SORCS2: variants seen among roughly 807,000 people sequenced by gnomAD.
The protein encoded by SORCS2 is VPS10 domain-containing receptor SorCS2.
SORCS2 carries 100 observed loss-of-function variants against 141.6 expected under a neutral mutation model. The observed-to-expected ratio is 0.71, with a 90% CI of 0.60 to 0.83. The LOEUF is 0.83. SORCS2 is among the 40% of genes least tolerant of loss of function. The pLI is 0.00. For missense variants in SORCS2, 1,646 were observed against 1,560.2 expected (o/e 1.05, Z -0.93); for synonymous variants, 789 against 676.9 (o/e 1.17, Z -2.57).
intron 2 of SORCS2, among the ~76,000 whole-genome samples, chr4:7,422,364 C>T: frequency 6.6e-6 from 1 of 152,188 alleles, no homozygotes; most frequent in East Asian, 1.9e-4. Context: ...TCCTGGATGC[C>T]CTGCCCGCTT....
chr4:7,676,835 CTCCACCCCAGCCCTGTCATCTCCTCCTT>C (rs1560475649), intron 9 of SORCS2, among the ~76,000 whole-genome samples: 8 of 137,494 alleles, frequency 5.8e-5, no homozygotes, highest in East Asian at 2.3e-4. Flanking sequence ...CTCTCCCTCT[CTCCACCCCAGCCCTGTCATCTCCTCCTT>C]CCTCTCCCTC....
At chr4:7,510,029 G>A (rs149404381) in intron 2 of SORCS2, among the ~76,000 whole-genome samples, 36 of 152,332 alleles carry the variant, frequency 2.4e-4, no homozygotes, top group African/African-American at 8.2e-4. Flanking sequence ...TAATTTAATA[G>A]ACTGTAACTG....
chr4:7,722,777 A>G (rs1447333751), intron 18 of SORCS2, among the ~76,000 whole-genome samples: 1 of 152,212 alleles, frequency 6.6e-6, no homozygotes, highest in Non-Finnish European at 1.5e-5. Flanking sequence ...AATTTACCAC[A>G]TCTGTGGAGA....
At chr4:7,461,575 A>T (rs1324195967) in intron 2 of SORCS2, among the ~76,000 whole-genome samples, 1 of 152,250 alleles carries the variant, frequency 6.6e-6, no homozygotes, top group Non-Finnish European at 1.5e-5. Flanking sequence ...TTCCAAGGAC[A>T]TAATGAGAAA....
At position 7,601,452 on chromosome 4, in the gene SORCS2, C is replaced by T. The variant is rs188036407; in HGVS notation, c.649-36876C>T. Among the ~76,000 whole-genome samples the T allele has an allele frequency of 1.1e-4, 16 of 151,810 alleles. No individual in the cohort carries two copies. In the East Asian group the frequency reaches 2.9e-3, roughly 28 times the overall value. ...AGCAGGGTCATTATTATACTCTCTACATTTTAACCTCATATGTTTAGCTGG... is the reference window on the plus strand; with the variant it reads ...AGCAGGGTCATTATTATACTCTCTATATTTTAACCTCATATGTTTAGCTGG... On this transcript the variant is annotated intron_variant, in intron 3 of 26. Coordinates refer to ENST00000507866, the MANE Select transcript of SORCS2 (RefSeq NM_020777.3).
At position 7,624,349 on chromosome 4, in the gene SORCS2, A is replaced by G. The variant is rs1457271909; in HGVS notation, c.649-13979A>G. Among the ~76,000 whole-genome samples, 5 of 152,346 alleles carry G rather than the reference A, an allele frequency of 3.3e-5. No homozygotes were observed. The South Asian group carries it at 6.2e-4, about 19-fold the overall frequency. Reference sequence around the variant, plus strand: ...GGATGACCATGACCTTGGCCATTCAATGCAGACCTTGTCTCATGTTTTGGC... The same window carrying G: ...GGATGACCATGACCTTGGCCATTCAGTGCAGACCTTGTCTCATGTTTTGGC... On this transcript the variant is annotated intron_variant, in intron 3 of 26. Coordinates refer to ENST00000507866, the MANE Select transcript of SORCS2 (RefSeq NM_020777.3).
chr4:7,640,389 GGT>G (rs555390055), intron 4 of SORCS2, among the ~76,000 whole-genome samples: 3 of 122,468 alleles, frequency 2.4e-5, no homozygotes, highest in African/African-American at 1.2e-4. Context: ...TGAGTGTGTG[GGT>G]GTGTGAGTGT....
At chr4:7,732,538 CT>C (rs1358373709) in intron 23 of SORCS2, among the ~76,000 whole-genome samples, 1 of 152,164 alleles carries the variant, frequency 6.6e-6, no homozygotes, top group Non-Finnish European at 1.5e-5. Context: ...GCCCCCGACC[CT>C]GCATCCCTCA....
chr4:7,227,626 G>A (rs1729065120), intron 1 of SORCS2, among the ~76,000 whole-genome samples: 1 of 152,104 alleles, frequency 6.6e-6, no homozygotes, highest in African/African-American at 2.4e-5. Context: ...GGGGTGAAGA[G>A]TTCCCTCCAG....
intron 12 of SORCS2, among the ~76,000 whole-genome samples, chr4:7,699,727 C>A (rs922119583): frequency 6.6e-6 from 1 of 152,210 alleles, no homozygotes; most frequent in African/African-American, 2.4e-5. Context: ...TCCAGCCTCA[C>A]AGGACCCAGC....
At chr4:7,398,996 C>G (rs561662130) in intron 2 of SORCS2, among the ~76,000 whole-genome samples, 1 of 152,246 alleles carries the variant, frequency 6.6e-6, no homozygotes, top group Admixed American at 6.5e-5. Flanking sequence ...ACTTTTCTAA[C>G]TCCTGCTCAT....
chr4:7,307,243 G>A (rs1009474065), intron 1 of SORCS2, among the ~76,000 whole-genome samples: 1 of 152,208 alleles, frequency 6.6e-6, no homozygotes, highest in African/African-American at 2.4e-5. Flanking sequence ...TGCCCGGGAG[G>A]GATCGTTCAC....
intron 18 of SORCS2, among the ~76,000 whole-genome samples, chr4:7,719,794 G>A (rs1345962762): frequency 6.6e-6 from 1 of 152,198 alleles, no homozygotes; most frequent in Non-Finnish European, 1.5e-5. Context: ...TCGCATCTGC[G>A]GAGTGTCTCT....
intron 3 of SORCS2, among the ~76,000 whole-genome samples, chr4:7,587,725 C>A (rs78236649): frequency 2.6e-5 from 4 of 152,150 alleles, no homozygotes; most frequent in African/African-American, 9.7e-5. Context: ...GCCCACCTCC[C>A]GTCACTTTAA....
At chr4:7,579,659 C>G (rs1019256303) in intron 3 of SORCS2, among the ~76,000 whole-genome samples, 9 of 152,190 alleles carry the variant, frequency 5.9e-5, no homozygotes, top group Non-Finnish European at 1.0e-4. Flanking sequence ...TTATCACTGA[C>G]ACTGAATGTA....
intron 3 of SORCS2, among the ~76,000 whole-genome samples, chr4:7,635,455 G>T (rs952590614): frequency 1.3e-5 from 2 of 152,114 alleles, no homozygotes; most frequent in Admixed American, 6.5e-5. Context: ...CTTACGTCCC[G>T]CCAAGCTGCC....
chr4:7,685,692 T>A (rs1488699806), intron 10 of SORCS2, among the ~76,000 whole-genome samples: 3 of 150,720 alleles, frequency 2.0e-5, no homozygotes, highest in African/African-American at 4.9e-5. Context: ...TAAATAAATA[T>A]ATATATATAT....
At chr4:7,296,256 G>A (rs368480046) in intron 1 of SORCS2, among the ~76,000 whole-genome samples, 91 of 152,182 alleles carry the variant, frequency 6.0e-4, no homozygotes, top group African/African-American at 1.8e-3. Context: ...CACAGCCTCC[G>A]GGAGCTGGAA....
At chr4:7,607,470 C>T (rs1718133727) in intron 3 of SORCS2, among the ~76,000 whole-genome samples, 1 of 152,178 alleles carries the variant, frequency 6.6e-6, no homozygotes, top group South Asian at 2.1e-4. Context: ...CCTTTGACCT[C>T]CCGCCCCACC....
Sources: allele counts gnomAD v4.1 joint callset (sites outside exome capture counted in the v4.1 genomes callset), GRCh38; gene constraint gnomAD v4.1.1; transcripts MANE v1.5; gene names NCBI Gene and HGNC (gene_info 2026-07-23, HGNC 2026-07-21).